Variants in CCDC198 observed in about 807,000 individuals in gnomAD.
CCDC198 encodes the protein factor associated with metabolism and energy.
A neutral mutation model predicts 35.6 loss-of-function variants in CCDC198; 18 were observed. The ratio of observed to expected loss-of-function variants is 0.51; its 90% CI spans 0.35 to 0.75. The LOEUF is 0.75. CCDC198 is among the 30% of genes least tolerant of loss of function. CCDC198 has a pLI of 0.01. For synonymous variants in CCDC198, 119 were observed against 113.4 expected, an observed-to-expected ratio of 1.05 and a Z score of -0.31; for missense variants, 365 against 343.7, an observed-to-expected ratio of 1.06 and a Z score of -0.49.
At chr14:57,480,482 C>G in intron 5 of CCDC198, 113 bp downstream of exon 5, 1 of 1,341,434 alleles carries the variant, frequency 7.5e-7, no homozygotes, top group Non-Finnish European at 1.0e-6. Flanking sequence ...AAAATCTCAG[C>G]AAGAGCTCAA....
At position 57,470,879 on chromosome 14, in the gene CCDC198, T is replaced by C. The variant is rs1469334911; in HGVS notation, c.*476A>G. On this transcript the variant is annotated 3_prime_UTR_variant, in exon 6 of 6. Coordinates refer to ENST00000216445, the MANE Select transcript of CCDC198 (RefSeq NM_018168.4). ...TTCTGTTTCCTCCTCTTGAGACAAT[T>C]GCTTTTGGGAGCCCTGGGCTCATAT... The C allele has an allele frequency of 6.5e-6, 1 of 153,158 alleles. No homozygotes were observed. Among genetic ancestry groups the C allele is most frequent in the African/African-American group, 2.4e-5 (1 of 41,464 alleles). The allele number at this position is 153,158 out of a possible 1,614,324, so 9.5% of individuals were successfully genotyped here.
At chr14:57,487,836 C>T (rs904508638) in intron 2 of CCDC198, among the ~76,000 whole-genome samples, 1 of 152,134 alleles carries the variant, frequency 6.6e-6, no homozygotes, top group Non-Finnish European at 1.5e-5. Flanking sequence ...CTCAAAAACT[C>T]ATTTGTGCTG....
At chr14:57,480,068 TG>T (rs1238875062) in intron 5 of CCDC198, among the ~76,000 whole-genome samples, 2 of 152,132 alleles carry the variant, frequency 1.3e-5, no homozygotes, top group Admixed American at 1.3e-4. Context: ...AGAGTGACAT[TG>T]GAGGCCTGGT....
At chr14:57,493,054 C>A (rs1457208711) in intron 1 of CCDC198, among the ~76,000 whole-genome samples, 3 of 152,116 alleles carry the variant, frequency 2.0e-5, no homozygotes, top group African/African-American at 4.8e-5. Flanking sequence ...AGAATTAACT[C>A]ACTCTTAAAG....
chr14:57,478,795 CT>C, intron 5 of CCDC198: 1 of 1,105,038 alleles, frequency 9.0e-7, no homozygotes, highest in South Asian at 2.4e-5. Context: ...ATTATTCAGC[CT>C]TTTCTTATTT....
At chr14:57,482,973 G>C (rs1269678988) in intron 3 of CCDC198, 92 bp downstream of exon 3, 1 of 1,502,260 alleles carries the variant, frequency 6.7e-7, no homozygotes, top group Non-Finnish European at 9.2e-7. Context: ...TCCATGCAGA[G>C]AGTGCATGAA....
At chr14:57,492,938 T>C (rs2067625245) in intron 1 of CCDC198, among the ~76,000 whole-genome samples, 1 of 152,108 alleles carries the variant, frequency 6.6e-6, no homozygotes, top group Non-Finnish European at 1.5e-5. Context: ...TTCTGTTAGT[T>C]CTGCAGATGA....
chr14:57,469,397 T>C lies in CCDC198; in HGVS notation c.*1958A>G, dbSNP rs912605486. The C allele has an allele frequency of 2.0e-5, 3 of 152,232 alleles. No individual in the cohort carries two copies. Among genetic ancestry groups the C allele is most frequent in the Non-Finnish European group, 2.9e-5 (2 of 68,048 alleles). The allele number at this position is 152,232 out of a possible 1,614,324, so 9.4% of individuals were successfully genotyped here. A position where few individuals can be genotyped will look rare whatever the true frequency, so the allele number is the denominator to read the frequency against. ...AAAGAAGACATGGTTTATGCCCTCA[T>C]GTAGCTCACAGTTCATTAAGCTTGT... On this transcript the variant is annotated 3_prime_UTR_variant, in exon 6 of 6. Transcript: ENST00000216445.
chr14:57,491,133 C>A, intron 1 of CCDC198, 62 bp from the exon 2 acceptor site: 1 of 1,516,426 alleles, frequency 6.6e-7, no homozygotes, highest in South Asian at 1.2e-5. Flanking sequence ...TTAAATCAGG[C>A]AATCATTAGT....
rs1366293186 is a variant in CCDC198, at chr14:57,470,401, C to G, written c.*954G>C. The stretch of plus-strand genomic sequence containing the variant: ...CCAGGCTGGAGTGCAGTGGAGTGAT[C>G]TTGGCTCATTGCAACCTCTATCTCC... On this transcript the variant is annotated 3_prime_UTR_variant, in exon 6 of 6. Coordinates refer to ENST00000216445, the MANE Select transcript of CCDC198 (RefSeq NM_018168.4). 6.6e-6 allele frequency: 1 copy of G among 152,170 alleles called. No homozygotes were observed. The highest frequency in any genetic ancestry group is 1.5e-5 in the Non-Finnish European group (1 of 68,022). The allele number at this position is 152,170 out of a possible 1,614,324, so 9.4% of individuals were successfully genotyped here. A position where few individuals can be genotyped will look rare whatever the true frequency, so the allele number is the denominator to read the frequency against.
At chr14:57,475,070 G>A (rs1301826736) in intron 5 of CCDC198, among the ~76,000 whole-genome samples, 1 of 152,030 alleles carries the variant, frequency 6.6e-6, no homozygotes, top group East Asian at 1.9e-4. Flanking sequence ...GACCATCTTG[G>A]CTAACACAGT....
rs1018299378 is a variant in CCDC198 at position 57,493,700 on chromosome 14, A to G, written c.16T>C (p.Ser6Pro). The G allele has an allele frequency of 6.2e-7, 1 of 1,613,344 alleles. No homozygotes were observed. Among genetic ancestry groups the G allele is most frequent in the Non-Finnish European group, 8.5e-7 (1 of 1,179,590 alleles). Residue 6 changes from serine (S) to proline (P), a missense_variant, in exon 1 of 6, where the codon TCT becomes CCT. Physicochemically the swap from Ser to Pro is moderately conservative, Grantham distance 74. Coordinates refer to ENST00000216445, the MANE Select transcript of CCDC198 (RefSeq NM_018168.4). MGLSH[S>P]KTHLRVIKVA... ...TTGATCACCCTAAGGTGAGTCTTAG[A>G]GTGACTCAGGCCCATTTCATGTGAA...
chr14:57,480,361 A>G, intron 5 of CCDC198: 1 of 910,390 alleles, frequency 1.1e-6, no homozygotes, highest in East Asian at 1.2e-4. Context: ...TGCAAAGCAT[A>G]TTAAACCCAT....
Position 57,471,324 on chromosome 14 carries a change from C to A in CCDC198, c.*31G>T. ...TTGAGAGTAAAACAAGCTTTCAAAG[C>A]ACTCAGTTTCTAGGTTAATGAATAG... On this transcript the variant is annotated 3_prime_UTR_variant, in exon 6 of 6. Transcript: ENST00000216445. 1 of 1,513,568 alleles carries A rather than the reference C, an allele frequency of 6.6e-7. No individual in the cohort carries two copies. The highest frequency in any genetic ancestry group is 2.3e-5 in the East Asian group (1 of 44,074). 93.8% of individuals were successfully genotyped at this position (1,513,568 alleles called of 1,614,324 possible).
At position 57,483,100 on chromosome 14, in the gene CCDC198, T is replaced by C; in HGVS notation, c.358A>G (p.Ser120Gly). The C allele has an allele frequency of 6.2e-7, 1 of 1,614,120 alleles. No individual in the cohort carries two copies. Among genetic ancestry groups the C allele is most frequent in the Non-Finnish European group, 8.5e-7 (1 of 1,179,972 alleles). ...PRVITSGRLL[S>G]QREARTMHKA... ...TGCATTGTCCTGGCTTCTCGCTGGC[T>C]CAGGAGTCTTCCTGAAGTAATTACT... Residue 120 changes from serine to glycine, a missense_variant, in exon 3 of 6, where the codon AGC becomes GGC. Ser to Gly is a moderately conservative substitution (Grantham distance 56). Transcript: ENST00000216445.
chr14:57,483,009 A>C, intron 3 of CCDC198, 56 bp downstream of exon 3: 1 of 1,612,216 alleles, frequency 6.2e-7, no homozygotes, highest in South Asian at 1.1e-5. Flanking sequence ...CAGTGCCCCA[A>C]TCCTGTGTCG....
intron 5 of CCDC198, chr14:57,475,206 T>A (rs368441568): frequency 6.9e-5 from 22 of 320,014 alleles, no homozygotes; most frequent in South Asian, 2.4e-4. Flanking sequence ...GCTTGCAGTG[T>A]GCAGAGATTG....
intron 2 of CCDC198, among the ~76,000 whole-genome samples, chr14:57,485,238 G>A (rs548878507): frequency 2.0e-5 from 3 of 152,182 alleles, no homozygotes; most frequent in Non-Finnish European, 2.9e-5. Context: ...TAGAGCATGA[G>A]TGAAGCCCAG....
intron 2 of CCDC198, among the ~76,000 whole-genome samples, chr14:57,487,731 A>G (rs1402034919): frequency 6.6e-6 from 1 of 152,190 alleles, no homozygotes; most frequent in Non-Finnish European, 1.5e-5. Flanking sequence ...ATACAATTAG[A>G]TTTGGTTTAA....
Sources: allele counts gnomAD v4.1 joint callset (sites outside exome capture counted in the v4.1 genomes callset), GRCh38; gene constraint gnomAD v4.1.1; transcripts MANE v1.5; gene names NCBI Gene and HGNC (gene_info 2026-07-23, HGNC 2026-07-21).